The following FRMPD4 variants were observed in gnomAD, a reference collection of about 807,000 sequenced individuals.
The protein encoded by FRMPD4 is FERM and PDZ domain-containing protein 4.
In FRMPD4, 22 loss-of-function variants were observed where a neutral mutation model predicts 94.1. That is an observed-to-expected ratio of 0.23 (90% CI 0.17 to 0.33). The LOEUF is 0.33. FRMPD4 is among the 10% of genes least tolerant of loss of function. The pLI is 1.00. For synonymous variants in FRMPD4, 631 were observed against 548.6 expected (o/e 1.15, Z -2.10); for missense variants, 1,111 against 1,339.9 (o/e 0.83, Z 2.67).
Position 12,716,477 on chromosome X carries a change from C to T in FRMPD4, c.2018C>T (p.Thr673Met), listed in dbSNP as rs750934766. Residue 673 changes from threonine to methionine, a missense_variant, in exon 15 of 17, where the codon ACG becomes ATG. Physicochemically the swap from Thr to Met is moderately conservative, Grantham distance 81 (BLOSUM62 -1). This residue lies in a region of FRMPD4 where 192 missense variants were observed against 192.5 expected (regional missense o/e 1.00). Coordinates refer to ENST00000675598, the MANE Select transcript of FRMPD4 (RefSeq NM_001368397.1). The part of the protein sequence containing the change: ...GISPPTLGYE[T>M]LLDEGPEMLE... ...AGTCCCCCAACCCTTGGCTATGAAACGCTACTAGATGAGGGTCCTGAAATG... is the reference window on the plus strand; with the variant it reads ...AGTCCCCCAACCCTTGGCTATGAAATGCTACTAGATGAGGGTCCTGAAATG... The T allele has an allele frequency of 3.2e-5, 39 of 1,207,858 alleles. No individual in the cohort carries two copies. In the East Asian group the frequency reaches 4.4e-4, roughly 14 times the overall value.
intron 3 of FRMPD4, among the ~76,000 whole-genome samples, chrX:12,086,503 T>C (rs1217064699): frequency 8.9e-6 from 1 of 112,003 alleles, no homozygotes; most frequent in African/African-American, 3.2e-5. Context: ...CATTAATGTT[T>C]AATCTATCAG....
At chrX:12,235,579 A>G (rs375625964) in intron 1 of FRMPD4, among the ~76,000 whole-genome samples, 4 of 112,493 alleles carry the variant, frequency 3.6e-5, no homozygotes, top group East Asian at 2.8e-4. Flanking sequence ...AATCAGTACT[A>G]TTAAGCTGCT....
intron 3 of FRMPD4, among the ~76,000 whole-genome samples, chrX:12,065,693 T>C (rs1307038826): frequency 8.9e-6 from 1 of 112,364 alleles, no homozygotes; most frequent in East Asian, 2.8e-4. Context: ...TCGAACAAAG[T>C]ATTCCCTAAA....
chrX:12,131,127 G>C (rs2055549224), intron 3 of FRMPD4, among the ~76,000 whole-genome samples: 1 of 111,891 alleles, frequency 8.9e-6, no homozygotes, highest in African/African-American at 3.3e-5. Context: ...AGAGGGTGGG[G>C]TTAAAGAAAG....
At chrX:12,068,580 C>T (rs1190959880) in intron 3 of FRMPD4, among the ~76,000 whole-genome samples, 1 of 111,643 alleles carries the variant, frequency 9.0e-6, no homozygotes, top group Non-Finnish European at 1.9e-5. Flanking sequence ...CTGCTGAAGT[C>T]TATGTATGCA....
intron 2 of FRMPD4, among the ~76,000 whole-genome samples, chrX:12,585,596 G>GA (rs1194496268): frequency 9.0e-6 from 1 of 111,726 alleles, no homozygotes; most frequent in Non-Finnish European, 1.9e-5. Context: ...AGACTCTTAT[G>GA]AAAAATAACC....
At chrX:12,336,838 C>T (rs184781262) in intron 1 of FRMPD4, among the ~76,000 whole-genome samples, 8 of 111,792 alleles carry the variant, frequency 7.2e-5, no homozygotes, top group Middle Eastern at 4.6e-3. Context: ...AAAGGGGATT[C>T]GAAAAGACAA....
At chrX:12,114,294 T>C (rs2055390078) in intron 3 of FRMPD4, among the ~76,000 whole-genome samples, 1 of 111,911 alleles carries the variant, frequency 8.9e-6, no homozygotes, top group East Asian at 2.8e-4. Flanking sequence ...TTTTCACTGT[T>C]TCTATGAATA....
chrX:11,824,601 A>C (rs946139324), intron 1 of FRMPD4, among the ~76,000 whole-genome samples: 3 of 112,015 alleles, frequency 2.7e-5, no homozygotes, highest in African/African-American at 9.7e-5. Flanking sequence ...CTTGGTTGAC[A>C]ATCACTATTT....
intron 1 of FRMPD4, among the ~76,000 whole-genome samples, chrX:12,331,714 A>T (rs1451995376): frequency 1.5e-4 from 6 of 39,198 alleles, no homozygotes; most frequent in Non-Finnish European, 2.3e-4. Flanking sequence ...ATAATATATA[A>T]TTTATATATA....
intron 2 of FRMPD4, among the ~76,000 whole-genome samples, chrX:12,515,431 C>T (rs1183474589): frequency 8.9e-6 from 1 of 111,755 alleles, no homozygotes; most frequent in African/African-American, 3.3e-5. Context: ...TTGATTTCTG[C>T]CTTAATTTCA....
intron 3 of FRMPD4, among the ~76,000 whole-genome samples, chrX:11,982,100 T>G (rs1342960915): frequency 8.9e-6 from 1 of 111,892 alleles, no homozygotes; most frequent in African/African-American, 3.2e-5. Flanking sequence ...TGCTTTAGAA[T>G]TTCCTTTAGT....
chrX:12,287,238 G>A (rs1222027223), intron 1 of FRMPD4, among the ~76,000 whole-genome samples: 1 of 112,147 alleles, frequency 8.9e-6, no homozygotes, highest in Non-Finnish European at 1.9e-5. Context: ...AGGAAGAACA[G>A]TGTGATATGG....
At chrX:12,684,121 A>G (rs1268993850) in intron 6 of FRMPD4, among the ~76,000 whole-genome samples, 3 of 112,233 alleles carry the variant, frequency 2.7e-5, no homozygotes, top group African/African-American at 9.7e-5. Flanking sequence ...CCACATCTCC[A>G]TAAATAGGTC....
intron 1 of FRMPD4, among the ~76,000 whole-genome samples, chrX:12,412,623 T>C (rs995370873): frequency 8.9e-5 from 10 of 112,226 alleles, no homozygotes; most frequent in African/African-American, 3.2e-4. Flanking sequence ...CCACAGCCTG[T>C]TGTGAGATTC....
intron 1 of FRMPD4, among the ~76,000 whole-genome samples, chrX:12,178,473 G>A (rs1329130861): frequency 9.0e-6 from 1 of 111,458 alleles, no homozygotes; most frequent in Non-Finnish European, 1.9e-5. Context: ...AGATATACTA[G>A]GCTTTGAGTA....
intron 3 of FRMPD4, among the ~76,000 whole-genome samples, chrX:11,895,763 G>C (rs766392739): frequency 8.9e-6 from 1 of 111,858 alleles, no homozygotes; most frequent in Non-Finnish European, 1.9e-5. Context: ...TGTGTGCCAA[G>C]TTGTTCTAGA....
At chrX:12,169,008 A>G (rs774034489) in intron 1 of FRMPD4, among the ~76,000 whole-genome samples, 30 of 112,195 alleles carry the variant, frequency 2.7e-4, no homozygotes, top group Non-Finnish European at 4.5e-4. Context: ...TAATACAACT[A>G]TTAAACTTAT....
intron 3 of FRMPD4, among the ~76,000 whole-genome samples, chrX:12,108,092 G>A (rs768581228): frequency 3.6e-5 from 4 of 111,127 alleles, no homozygotes; most frequent in Admixed American, 9.6e-5. Context: ...GATACTCCTC[G>A]AGAAGAGCAA....
Sources: gnomAD v4.1 joint callset for allele counts (sites outside exome capture counted in the v4.1 genomes callset) on GRCh38, gnomAD v4.1.1 for gene constraint, gnomAD v4.1.1 regional missense constraint, MANE v1.5 for transcripts, NCBI Gene and HGNC (gene_info 2026-07-23, HGNC 2026-07-21) for gene names.